PTPRN2: variants seen among roughly 807,000 people sequenced by gnomAD.
PTPRN2 encodes the protein receptor-type tyrosine-protein phosphatase N2.
A neutral mutation model predicts 118.8 loss-of-function variants in PTPRN2; 74 were observed. The observed-to-expected ratio is 0.62, with a 90% confidence interval of 0.52 to 0.76. The LOEUF is 0.76. PTPRN2 is among the 30% of genes least tolerant of loss of function. The pLI, the probability that PTPRN2 is intolerant of heterozygous loss-of-function variation, is 0.00. For missense variants in PTPRN2, 1,481 were observed against 1,394.4 expected (o/e 1.06, Z -0.99); for synonymous variants, 641 against 608.0 (o/e 1.05, Z -0.80).
chr7:157,691,078 C>A (rs927314040), intron 12 of PTPRN2, among the ~76,000 whole-genome samples: 1 of 124,022 alleles, frequency 8.1e-6, no homozygotes, highest in East Asian at 2.2e-4. Flanking sequence ...CCCCCCCCCC[C>A]CCCACATGTT....
At chr7:158,098,483 G>T (rs1275158937) in intron 10 of PTPRN2, among the ~76,000 whole-genome samples, 1 of 152,228 alleles carries the variant, frequency 6.6e-6, no homozygotes, top group Non-Finnish European at 1.5e-5. Context: ...CCCTGCTCCC[G>T]GAATGCGGAG....
chr7:158,120,310 T>C (rs868243264), intron 9 of PTPRN2, among the ~76,000 whole-genome samples: 2 of 152,220 alleles, frequency 1.3e-5, no homozygotes, highest in Non-Finnish European at 2.9e-5. Context: ...CTGAATTCTA[T>C]GCTTAAACAT....
chr7:158,014,365 A>C (rs576968528), intron 11 of PTPRN2, among the ~76,000 whole-genome samples: 15 of 149,926 alleles, frequency 1.0e-4, no homozygotes, highest in African/African-American at 3.0e-4. Flanking sequence ...ACACCCATAC[A>C]TCCATCACTT....
chr7:158,157,108 A>T (rs1821893593), intron 6 of PTPRN2, among the ~76,000 whole-genome samples: 1 of 151,740 alleles, frequency 6.6e-6, no homozygotes, highest in Non-Finnish European at 1.5e-5. Flanking sequence ...GTGCTTACAC[A>T]GCGGACAGCA....
chr7:158,082,175 G>A (rs900000993), intron 10 of PTPRN2, among the ~76,000 whole-genome samples: 2 of 148,562 alleles, frequency 1.3e-5, no homozygotes, highest in Non-Finnish European at 1.5e-5. Context: ...TTAGGTGGGA[G>A]AGGGCAGCTA....
intron 9 of PTPRN2, among the ~76,000 whole-genome samples, chr7:158,123,850 G>T (rs1219920603): frequency 6.6e-6 from 1 of 152,128 alleles, no homozygotes; most frequent in Non-Finnish European, 1.5e-5. Flanking sequence ...GCTGACCCAG[G>T]CAGAGCTGGT....
chr7:158,072,017 G>C (rs902985904), intron 11 of PTPRN2, among the ~76,000 whole-genome samples: 6 of 139,958 alleles, frequency 4.3e-5, no homozygotes, highest in Non-Finnish European at 7.7e-5. Context: ...TCGTCGTATG[G>C]AGGTGCTCAT....
Position 158,294,014 on chromosome 7 carries a change from A to C in PTPRN2, c.277+22805T>G, listed in dbSNP as rs1434542645. ...AAGAGTGCATTCTAAAATAATGATA[A>C]AAGTACAGCAAATACACATGTACCG... On this transcript the variant is annotated intron_variant, in intron 3 of 22. Coordinates refer to ENST00000389418, the MANE Select transcript of PTPRN2 (RefSeq NM_002847.5). 5.3e-5 allele frequency among the ~76,000 whole-genome samples: 8 copies of C among 152,264 alleles called. No homozygotes were observed. The South Asian group carries it at 6.2e-4, about 12-fold the overall frequency.
intron 11 of PTPRN2, among the ~76,000 whole-genome samples, chr7:158,025,621 G>T (rs1458293878): frequency 6.6e-6 from 1 of 152,232 alleles, no homozygotes; most frequent in Non-Finnish European, 1.5e-5. Flanking sequence ...CACCTTGGGG[G>T]ATGATGGCTG....
rs1563177861 is a variant in PTPRN2, at chr7:158,341,541, GACATCTGCAGACGTCACTC to G, written c.164-24628_164-24610del. The stretch of plus-strand genomic sequence containing the variant: ...CACCCACACTCTCACCATAAGAGGT[GACATCTGCAGACGTCACTC>G]ACACCCACACTCTCACCATAAGAGG... On this transcript the variant is annotated intron_variant, in intron 2 of 22. Transcript: ENST00000389418. Among the ~76,000 whole-genome samples, 46 of 106,356 alleles carry G rather than the reference GACATCTGCAGACGTCACTC, an allele frequency of 4.3e-4. 1 individual carries two copies. The highest frequency in any genetic ancestry group is 1.0e-3 in the African/African-American group (29 of 28,110). The allele number at this position is 106,356 out of a possible 152,430, so 69.8% of individuals were successfully genotyped here.
intron 11 of PTPRN2, among the ~76,000 whole-genome samples, chr7:158,071,445 G>GTGCTCGTGGTGGAGA (rs1811612619): frequency 3.4e-5 from 2 of 58,616 alleles, no homozygotes; most frequent in Non-Finnish European, 7.1e-5. Context: ...GGTGGTGGAG[G>GTGCTCGTGGTGGAGA]TGCTCGTGGT....
intron 1 of PTPRN2, chr7:158,541,397 G>C: frequency 7.6e-7 from 1 of 1,317,048 alleles, no homozygotes; most frequent in Non-Finnish European, 1.0e-6. Context: ...CAAAATGCCA[G>C]CAAAGCAAGC....
intron 10 of PTPRN2, among the ~76,000 whole-genome samples, chr7:158,106,219 A>G (rs1295469878): frequency 1.3e-5 from 2 of 151,580 alleles, no homozygotes; most frequent in Admixed American, 1.3e-4. Flanking sequence ...TCCCAGCCCC[A>G]TCCACCTAGC....
intron 3 of PTPRN2, among the ~76,000 whole-genome samples, chr7:158,228,009 A>G (rs528641479): frequency 1.3e-5 from 2 of 152,332 alleles, no homozygotes; most frequent in African/African-American, 2.4e-5. Context: ...CTTTACATGT[A>G]TATCAAATAG....
rs1024475452 is a variant in PTPRN2 at position 157,622,263 on chromosome 7, G to C, written c.2197-754C>G. Among the ~76,000 whole-genome samples, 3 of 151,982 alleles carry C rather than the reference G, an allele frequency of 2.0e-5. No individual in the cohort carries two copies. Among genetic ancestry groups the C allele is most frequent in the African/African-American group, 4.8e-5 (2 of 41,406 alleles). On this transcript the variant is annotated intron_variant, in intron 14 of 22. Coordinates refer to ENST00000389418, the MANE Select transcript of PTPRN2 (RefSeq NM_002847.5). The surrounding 1 kb of genome is among the most constrained non-coding windows in gnomAD (Gnocchi z 5.3). ...TGACGGCCTCGTCTGCTGTCACTCT[G>C]CTTGTGGATTTGCAAGGTACTGTGT...
intron 2 of PTPRN2, among the ~76,000 whole-genome samples, chr7:158,365,850 C>CA (rs57276163): frequency 0.1 from 10,382 of 102,360 alleles, 1,836 homozygotes; most frequent in Middle Eastern, 0.14. Context: ...ACACACACAC[C>CA]CACACACACA....
At chr7:157,654,334 C>T (rs1482634619) in intron 14 of PTPRN2, among the ~76,000 whole-genome samples, 1 of 151,734 alleles carries the variant, frequency 6.6e-6, no homozygotes, top group African/African-American at 2.4e-5. Context: ...GCCCGCCGCT[C>T]CCCACACCCA....
At chr7:158,368,758 C>G (rs1809726133) in intron 2 of PTPRN2, among the ~76,000 whole-genome samples, 1 of 152,198 alleles carries the variant, frequency 6.6e-6, no homozygotes, top group East Asian at 1.9e-4. Context: ...CATCCTCGAC[C>G]CCCCAAGTCT....
chr7:157,540,577 A>C lies in PTPRN2; in HGVS notation c.*137T>G, dbSNP rs181599278. 4.2e-5 allele frequency: 25 copies of C among 593,168 alleles called. No homozygotes were observed. The Admixed American group carries it at 9.2e-4, about 22-fold the overall frequency. The allele number at this position is 593,168 out of a possible 1,614,324, so 36.7% of individuals were successfully genotyped here. A position where few individuals can be genotyped will look rare whatever the true frequency, so the allele number is the denominator to read the frequency against. On this transcript the variant is annotated 3_prime_UTR_variant, in exon 23 of 23. Coordinates refer to ENST00000389418, the MANE Select transcript of PTPRN2 (RefSeq NM_002847.5). ...AAACAAAAATACACTTTTAACTGCT[A>C]AACTGCGCTGACTACGGGAGAGCTA...
Sources: gnomAD v4.1 joint callset for allele counts (sites outside exome capture counted in the v4.1 genomes callset) on GRCh38, gnomAD v4.1.1 for gene constraint, Gnocchi (gnomAD v3.1) non-coding constraint, MANE v1.5 for transcripts, NCBI Gene and HGNC (gene_info 2026-07-23, HGNC 2026-07-21) for gene names.